The following PIP5K1C variants were observed in gnomAD, a reference collection of about 807,000 sequenced individuals.
PIP5K1C encodes the protein phosphatidylinositol-4-phosphate 5-kinase type 1 gamma.
In PIP5K1C, 45 loss-of-function variants were observed where a neutral mutation model predicts 80.1. The ratio of observed to expected loss-of-function variants is 0.56; its 90% CI spans 0.44 to 0.72. The LOEUF (loss-of-function observed/expected upper bound fraction) is 0.72. Among genes scored for constraint, PIP5K1C ranks in the 30% least tolerant of loss-of-function variants. The pLI, the probability that PIP5K1C is intolerant of heterozygous loss-of-function variation, is 0.00. For synonymous variants in PIP5K1C, 498 were observed against 420.1 expected (o/e 1.19, Z -2.27); for missense variants, 753 against 954.6 (o/e 0.79, Z 2.78).
Position 3,635,761 on chromosome 19 carries a change from C to T in PIP5K1C, c.1921-2241G>A, listed in dbSNP as rs565830663. 1.8e-3 allele frequency among the ~76,000 whole-genome samples: 273 copies of T among 152,128 alleles called. 1 individual carries two copies. The highest frequency in any genetic ancestry group is 3.3e-3 in the Admixed American group (50 of 15,274). ...TTGGGAGGCTGAGGCGGGCAGATCA[C>T]GAGGTCAGGAGATTGAGACCATCCT... On this transcript the variant is annotated intron_variant, in intron 16 of 17. Transcript: ENST00000335312.
chr19:3,654,822 A>G (rs2034566955), intron 6 of PIP5K1C, among the ~76,000 whole-genome samples: 1 of 151,090 alleles, frequency 6.6e-6, no homozygotes. Flanking sequence ...TCAAAAGAAA[A>G]AAAAAAAAAA....
intron 1 of PIP5K1C, among the ~76,000 whole-genome samples, chr19:3,668,197 C>T (rs1254841594): frequency 2.6e-5 from 4 of 151,900 alleles, no homozygotes; most frequent in Non-Finnish European, 5.9e-5. Flanking sequence ...GAGGCTGGGA[C>T]GAGGGGAGCA....
Position 3,664,822 on chromosome 19 carries a change from C to T in PIP5K1C, c.219G>A (p.Lys73=). ...VDASGETTYK[K]TTSSTLKGAI... Reference sequence around the variant, plus strand: ...AGCCAGCTAAGGGGAGCCGAGGAACCTTCTTGTAGGTGGTTTCGCCGGATG... The same window carrying T: ...AGCCAGCTAAGGGGAGCCGAGGAACTTTCTTGTAGGTGGTTTCGCCGGATG... The change falls in exon 3 of 18, where the codon AAG becomes AAA. Residue 73 remains lysine (K), a splice_region_variant and synonymous_variant. Transcript: ENST00000335312. 6.2e-7 allele frequency: 1 copy of T among 1,612,614 alleles called. No individual in the cohort carries two copies. Among genetic ancestry groups the T allele is most frequent in the Non-Finnish European group, 8.5e-7 (1 of 1,179,428 alleles).
chr19:3,639,360 A>G (rs1242191497), intron 15 of PIP5K1C, among the ~76,000 whole-genome samples: 1 of 152,120 alleles, frequency 6.6e-6, no homozygotes, highest in Non-Finnish European at 1.5e-5. Flanking sequence ...TCCTCCTCTG[A>G]GCCTCAGTTT....
chr19:3,686,410 A>G (rs2035760389), intron 1 of PIP5K1C, among the ~76,000 whole-genome samples: 1 of 151,036 alleles, frequency 6.6e-6, no homozygotes, highest in African/African-American at 2.4e-5. Flanking sequence ...ACAGAGTGAG[A>G]CTCTGTCTCA....
At chr19:3,641,194 A>T (rs2033945982) in intron 15 of PIP5K1C, among the ~76,000 whole-genome samples, 1 of 152,134 alleles carries the variant, frequency 6.6e-6, no homozygotes, top group Non-Finnish European at 1.5e-5. Flanking sequence ...CAGCCTGGGC[A>T]AGAGAGCAAT....
intron 7 of PIP5K1C, 52 bp from the exon 8 acceptor site, chr19:3,652,083 A>G (rs752529834): frequency 1.9e-6 from 3 of 1,569,900 alleles, no homozygotes; most frequent in African/African-American, 1.4e-5. Context: ...TCTATCCCCC[A>G]CAACGGCTCC....
rs373641311 is a variant in PIP5K1C, at chr19:3,653,592, G to T, written c.622-3C>A. Reference sequence around the variant, plus strand: ...GTCCGCGGGTTCTGGTTGAGGTTCTGCCGGGGGAAGAGGGCAAGTCGTGGA... The same window carrying T: ...GTCCGCGGGTTCTGGTTGAGGTTCTTCCGGGGGAAGAGGGCAAGTCGTGGA... On this transcript the variant is annotated splice_polypyrimidine_tract_variant and splice_region_variant and intron_variant, in intron 6 of 17. Transcript: ENST00000335312. The T allele has an allele frequency of 8.7e-6, 14 of 1,604,518 alleles. No homozygotes were observed. The highest frequency in any genetic ancestry group is 1.0e-5 in the Non-Finnish European group (12 of 1,173,108).
Position 3,630,839 on chromosome 19 carries a change from C to A in PIP5K1C, c.*2328G>T, listed in dbSNP as rs1388276947. On this transcript the variant is annotated 3_prime_UTR_variant, in exon 18 of 18. Coordinates refer to ENST00000335312, the MANE Select transcript of PIP5K1C (RefSeq NM_012398.3). ...CACCAAGGTATTTACAGACTTCTAT[C>A]ATGGGGGACAGCGGGGTGGGTCCAG... 2.6e-5 allele frequency: 4 copies of A among 152,182 alleles called. No individual in the cohort carries two copies. In the East Asian group the frequency reaches 7.7e-4, roughly 29 times the overall value. 9.4% of individuals were successfully genotyped at this position (152,182 alleles called of 1,614,324 possible).
At chr19:3,677,415 TC>T (rs1408535464) in intron 1 of PIP5K1C, among the ~76,000 whole-genome samples, 51 of 152,116 alleles carry the variant, frequency 3.4e-4, no homozygotes, top group African/African-American at 1.2e-3. Flanking sequence ...AAACCCCGTC[TC>T]TACTGAAAAT....
At chr19:3,698,894 C>G (rs1207705308) in intron 1 of PIP5K1C, among the ~76,000 whole-genome samples, 1 of 151,472 alleles carries the variant, frequency 6.6e-6, no homozygotes. Context: ...CAGGGATGGG[C>G]AGAGATGCCA....
intron 16 of PIP5K1C, among the ~76,000 whole-genome samples, chr19:3,636,127 A>G (rs949227621): frequency 1.3e-4 from 20 of 152,174 alleles, no homozygotes; most frequent in African/African-American, 4.3e-4. Flanking sequence ...ATTGCACTCC[A>G]GCCTGGGCGA....
At chr19:3,670,870 T>A (rs1327178063) in intron 1 of PIP5K1C, among the ~76,000 whole-genome samples, 1 of 151,952 alleles carries the variant, frequency 6.6e-6, no homozygotes, top group East Asian at 1.9e-4. Context: ...GCTGCCACGG[T>A]GAAGGGAAAG....
chr19:3,643,028 GCCCCC>G, intron 13 of PIP5K1C, 89 bp from the exon 14 acceptor site: 1 of 1,531,152 alleles, frequency 6.5e-7, no homozygotes, highest in Non-Finnish European at 9.0e-7. Flanking sequence ...CTGCCTACCT[GCCCCC>G]TGGCAGCCCT....
chr19:3,697,503 A>C (rs142980948), intron 1 of PIP5K1C, among the ~76,000 whole-genome samples: 7 of 146,364 alleles, frequency 4.8e-5, no homozygotes, highest in Non-Finnish European at 7.5e-5. Context: ...GAGCTGGACC[A>C]GGGAGGACCA....
chr19:3,648,230 C>T lies in PIP5K1C; in HGVS notation c.1211+395G>A, dbSNP rs2034309730. ...TAGAGATGGGGTCTTGCTATGTTGC[C>T]CAGGCTGGTCTCAAACTCCTGGGCT... is the stretch of plus-strand genomic sequence containing the variant. On this transcript the variant is annotated intron_variant, in intron 9 of 17. Transcript: ENST00000335312. This position sits in a 1 kb window ranked among gnomAD's most constrained non-coding sequence, Gnocchi z 4.3. Among the ~76,000 whole-genome samples, 1 of 152,042 alleles carries T rather than the reference C, an allele frequency of 6.6e-6. No homozygotes were observed. The highest frequency in any genetic ancestry group is 2.4e-5 in the African/African-American group (1 of 41,372).
intron 1 of PIP5K1C, among the ~76,000 whole-genome samples, chr19:3,698,685 C>T (rs747459522): frequency 1.2e-4 from 18 of 152,016 alleles, no homozygotes; most frequent in Non-Finnish European, 2.6e-4. Flanking sequence ...GCACAGAAGC[C>T]CCAGTGAGGC....
intron 6 of PIP5K1C, among the ~76,000 whole-genome samples, chr19:3,655,654 C>CT (rs1279125557): frequency 1.3e-5 from 2 of 151,914 alleles, no homozygotes; most frequent in Non-Finnish European, 2.9e-5. Context: ...CCTTTAAAGA[C>CT]TGAGTTTGCT....
chr19:3,669,119 T>TGAG (rs910762818), intron 1 of PIP5K1C, among the ~76,000 whole-genome samples: 2 of 152,044 alleles, frequency 1.3e-5, no homozygotes, highest in African/African-American at 2.4e-5. Flanking sequence ...AGGAAGAGGC[T>TGAG]GAGGGTTGGG....
Sources: gnomAD v4.1 joint callset for allele counts (sites outside exome capture counted in the v4.1 genomes callset) on GRCh38, gnomAD v4.1.1 for gene constraint, Gnocchi (gnomAD v3.1) non-coding constraint, MANE v1.5 for transcripts, NCBI Gene and HGNC (gene_info 2026-07-23, HGNC 2026-07-21) for gene names.